CPEB1: variants seen among roughly 807,000 people sequenced by gnomAD.
CPEB1 encodes the protein cytoplasmic polyadenylation element-binding protein 1.
Under a neutral mutation model 65.8 loss-of-function variants are expected in CPEB1, and 7 were observed. The ratio of observed to expected loss-of-function variants is 0.11; its 90% confidence interval spans 0.06 to 0.20. CPEB1 has a LOEUF of 0.20. Ranked by LOEUF, CPEB1 falls within the 10% of genes least tolerant of loss-of-function variation. CPEB1 has a pLI of 1.00. For missense variants in CPEB1, 551 were observed against 712.2 expected (o/e 0.77, Z 2.58); for synonymous variants, 262 against 260.0 (o/e 1.01, Z -0.08).
chr15:82,573,075 G>C lies in CPEB1; in HGVS notation c.272-1543C>G, dbSNP rs546633436. Reference sequence around the variant, plus strand: ...CCCCTGTTGCAAGGAGAAGCAAGCAGATACGGGAAGCATGCCCACCTGGGA... The same window carrying C: ...CCCCTGTTGCAAGGAGAAGCAAGCACATACGGGAAGCATGCCCACCTGGGA... On this transcript the variant is annotated intron_variant, in intron 3 of 12. Coordinates refer to ENST00000684509, the MANE Select transcript of CPEB1 (RefSeq NM_001365242.1). 1.1e-4 allele frequency: 176 copies of C among 1,535,614 alleles called. 1 individual carries two copies. The East Asian group carries it at 4.2e-3, about 36-fold the overall frequency.
chr15:82,648,644 T>C, upstream of CPEB1: 1 of 152,628 alleles, frequency 6.6e-6, no homozygotes, highest in Non-Finnish European at 1.5e-5. Context: ...CTAGGGCACC[T>C]GGCGCAGGGG....
intron 3 of CPEB1, among the ~76,000 whole-genome samples, chr15:82,591,882 A>T (rs1234765152): frequency 2.0e-5 from 3 of 147,166 alleles, no homozygotes; most frequent in African/African-American, 7.6e-5. Flanking sequence ...TTAATCTGTC[A>T]CCCAGGCTGG....
At chr15:82,564,869 T>A (rs138121147) in intron 4 of CPEB1, among the ~76,000 whole-genome samples, 64 of 152,174 alleles carry the variant, frequency 4.2e-4, no homozygotes, top group African/African-American at 1.4e-3. Context: ...AATACACTCC[T>A]ACATTCAAGT....
upstream of CPEB1, chr15:82,647,473 G>C (rs1284905531): frequency 5.5e-6 from 1 of 182,628 alleles, no homozygotes; most frequent in Non-Finnish European, 1.1e-5. Context: ...CAGCGGCTTC[G>C]GGTCTCCCGT....
intron 1 of CPEB1, among the ~76,000 whole-genome samples, chr15:82,631,183 T>A (rs968286307): frequency 2.6e-5 from 4 of 151,948 alleles, no homozygotes; most frequent in African/African-American, 9.7e-5. Flanking sequence ...GAAAAAAAAA[T>A]CTAATTTAGG....
At chr15:82,545,809 G>C (rs537952024) in intron 12 of CPEB1, among the ~76,000 whole-genome samples, 1 of 152,226 alleles carries the variant, frequency 6.6e-6, no homozygotes, top group African/African-American at 2.4e-5. Context: ...AGCTTAGAAG[G>C]CTTCAGGGTT....
intron 3 of CPEB1, among the ~76,000 whole-genome samples, chr15:82,583,991 G>C (rs1393049714): frequency 6.6e-6 from 1 of 152,104 alleles, no homozygotes; most frequent in Non-Finnish European, 1.5e-5. Flanking sequence ...TGGGCTTGGT[G>C]GCTCACACCT....
At chr15:82,546,965 C>A (rs1259289950) in intron 11 of CPEB1, among the ~76,000 whole-genome samples, 178 bp downstream of exon 11, 3 of 152,150 alleles carry the variant, frequency 2.0e-5, no homozygotes, top group Non-Finnish European at 4.4e-5. Flanking sequence ...TCCTCCTGGG[C>A]GTACAAAGAC....
intron 4 of CPEB1, among the ~76,000 whole-genome samples, chr15:82,558,688 C>A (rs575598239): frequency 6.6e-6 from 1 of 152,184 alleles, no homozygotes; most frequent in Non-Finnish European, 1.5e-5. Context: ...TGTTTTCTCA[C>A]TGGCATTTAG....
chr15:82,579,151 T>C (rs1410884756), intron 3 of CPEB1, among the ~76,000 whole-genome samples: 1 of 152,088 alleles, frequency 6.6e-6, no homozygotes, highest in East Asian at 1.9e-4. Flanking sequence ...TTAAAAGACC[T>C]CAATTTATGT....
intron 3 of CPEB1, among the ~76,000 whole-genome samples, chr15:82,578,494 T>C (rs1396065040): frequency 6.6e-6 from 1 of 152,146 alleles, no homozygotes; most frequent in Non-Finnish European, 1.5e-5. Context: ...GTGGGCACAG[T>C]GGTTCACACC....
intron 3 of CPEB1, among the ~76,000 whole-genome samples, chr15:82,588,251 G>C (rs1197113058): frequency 6.6e-6 from 1 of 151,808 alleles, no homozygotes; most frequent in Admixed American, 6.6e-5. Context: ...CCAGCCCAAA[G>C]GTTTTCTTAA....
At chr15:82,617,415 T>C (rs2044826822) in intron 3 of CPEB1, among the ~76,000 whole-genome samples, 1 of 152,190 alleles carries the variant, frequency 6.6e-6, no homozygotes, top group Non-Finnish European at 1.5e-5. Context: ...TGACCAACAC[T>C]ACTCAAAACT....
chr15:82,616,636 G>A lies in CPEB1; in HGVS notation c.271+10557C>T, dbSNP rs9630497. 9.1e-3 allele frequency among the ~76,000 whole-genome samples: 1,370 copies of A among 149,848 alleles called. 19 individuals are homozygous for A. The highest frequency in any genetic ancestry group is 0.032 in the African/African-American group (1,279 of 40,566). ...CAGCTCACTGCAGCCTCCACCTCCC[G>A]GGTTCAAGTGATTATCCTGCCTCAG... is the stretch of plus-strand genomic sequence containing the variant. On this transcript the variant is annotated intron_variant, in intron 3 of 12. Coordinates refer to ENST00000684509, the MANE Select transcript of CPEB1 (RefSeq NM_001365242.1).
intron 3 of CPEB1, among the ~76,000 whole-genome samples, chr15:82,610,297 C>T (rs1314805053): frequency 6.6e-6 from 1 of 151,992 alleles, no homozygotes; most frequent in African/African-American, 2.4e-5. Context: ...AGAATAAATA[C>T]CAATTATTCA....
chr15:82,619,377 T>C (rs1342698422), intron 3 of CPEB1, among the ~76,000 whole-genome samples: 1 of 152,224 alleles, frequency 6.6e-6, no homozygotes, highest in Non-Finnish European at 1.5e-5. Flanking sequence ...GACCTTGGAA[T>C]AGGCAAATAT....
chr15:82,645,883 A>G (rs1180223799), intron 1 of CPEB1, among the ~76,000 whole-genome samples: 1 of 151,806 alleles, frequency 6.6e-6, no homozygotes, highest in Non-Finnish European at 1.5e-5. Context: ...AAATAAATAA[A>G]TAAATAAATA....
At chr15:82,607,020 A>T (rs1227086234) in intron 3 of CPEB1, among the ~76,000 whole-genome samples, 1 of 152,074 alleles carries the variant, frequency 6.6e-6, no homozygotes, top group African/African-American at 2.4e-5. Context: ...TTAAAGAGAC[A>T]AGGAAATTAA....
intron 3 of CPEB1, among the ~76,000 whole-genome samples, chr15:82,590,472 C>T (rs1168660976): frequency 6.6e-6 from 1 of 152,130 alleles, no homozygotes; most frequent in African/African-American, 2.4e-5. Flanking sequence ...GGTGGTATGG[C>T]TATAGACAGA....
Sources: allele counts gnomAD v4.1 joint callset (sites outside exome capture counted in the v4.1 genomes callset), GRCh38; gene constraint gnomAD v4.1.1; transcripts MANE v1.5; gene names NCBI Gene and HGNC (gene_info 2026-07-23, HGNC 2026-07-21).